MYG1: variants seen among roughly 807,000 people sequenced by gnomAD.
MYG1 encodes the protein MYG1 exonuclease.
Under a neutral mutation model 43.5 loss-of-function variants are expected in MYG1, and 36 were observed. That is an observed-to-expected ratio of 0.83 (90% CI 0.63 to 1.09). The LOEUF (loss-of-function observed/expected upper bound fraction) is 1.09. MYG1 is among the 50% of genes least tolerant of loss of function. The pLI, the probability that MYG1 is intolerant of heterozygous loss-of-function variation, is 0.00. For missense variants in MYG1, 529 were observed against 495.1 expected (o/e 1.07, Z -0.65); for synonymous variants, 220 against 202.8 (o/e 1.08, Z -0.72).
intron 3 of MYG1, 113 bp downstream of exon 3, chr12:53,303,306 G>C (rs1944245087): frequency 6.6e-6 from 8 of 1,205,746 alleles, no homozygotes; most frequent in Admixed American, 2.4e-5. Context: ...CTGGCCTATA[G>C]CAGGCCCAAC....
chr12:53,300,320 C>T lies in MYG1; in HGVS notation c.329+58C>T, dbSNP rs944615747. On this transcript the variant is annotated intron_variant, in intron 2 of 6. Transcript: ENST00000267103. ...TTGACCTCAGCTTTCCTCTGTGCTC[C>T]AATTCAGCCATCCACTGCCGTAGTC... 6 of 1,308,430 alleles carry T rather than the reference C, an allele frequency of 4.6e-6. No homozygotes were observed. The African/African-American group carries it at 8.9e-5, about 19-fold the overall frequency. 81.1% of individuals were successfully genotyped at this position (1,308,430 alleles called of 1,614,324 possible).
At chr12:53,301,630 A>G (rs929461401) in intron 2 of MYG1, among the ~76,000 whole-genome samples, 16 of 152,200 alleles carry the variant, frequency 1.1e-4, no homozygotes, top group African/African-American at 3.9e-4. Flanking sequence ...GCACCAAACC[A>G]GGGAGCTGGT....
chr12:53,306,518 A>AT (rs888679626), intron 5 of MYG1, 162 bp from the exon 6 acceptor site: 22 of 1,088,916 alleles, frequency 2.0e-5, no homozygotes, highest in Middle Eastern at 6.2e-4. Flanking sequence ...TAATTTTTGT[A>AT]TTTTTTGTAG....
At position 53,299,730 on chromosome 12, in the gene MYG1, A is replaced by T. The variant is rs572438707; in HGVS notation, c.-8A>T. The T allele has an allele frequency of 6.2e-6, 10 of 1,609,302 alleles. No homozygotes were observed. In the South Asian group the frequency reaches 9.9e-5, roughly 16 times the overall value. On this transcript the variant is annotated 5_prime_UTR_variant, in exon 1 of 7. Transcript: ENST00000267103. ...TCGGCGCTCCTGCCTCCCTGCAGGG[A>T]GCTGCTTATGGGACACCAATTCCTG...
intron 5 of MYG1, 40 bp downstream of exon 5, chr12:53,306,360 T>C: frequency 6.2e-7 from 1 of 1,609,748 alleles, no homozygotes; most frequent in Non-Finnish European, 8.5e-7. Flanking sequence ...TGAGGATTAC[T>C]GACTGCCAAT....
At chr12:53,302,594 C>T (rs1163463065) in intron 2 of MYG1, among the ~76,000 whole-genome samples, 1 of 152,200 alleles carries the variant, frequency 6.6e-6, no homozygotes, top group African/African-American at 2.4e-5. Flanking sequence ...GCCCTGCCTG[C>T]CCTTCCAGCT....
chr12:53,299,985 C>T, intron 1 of MYG1, 32 bp downstream of exon 1: 1 of 1,611,196 alleles, frequency 6.2e-7, no homozygotes, highest in Non-Finnish European at 8.5e-7. Flanking sequence ...CCTGGGACTG[C>T]GTGCATGCAT....
rs71068106 is a variant in MYG1, at chr12:53,304,861, G to GTTTTT, written c.490-1026_490-1022dup. ...TCCTCCCACCTCAGCCTAAACCCAT[G>GTTTTT]TTTTTTTTTTTTTTTTTTTTTTTTT... On this transcript the variant is annotated intron_variant, in intron 3 of 6. Transcript: ENST00000267103. 1.2e-3 allele frequency among the ~76,000 whole-genome samples: 94 copies of GTTTTT among 78,200 alleles called. 2 individuals carry two copies. The highest frequency in any genetic ancestry group is 2.5e-3 in the African/African-American group (53 of 21,234). 51.3% of individuals were successfully genotyped at this position (78,200 alleles called of 152,430 possible).
Position 53,306,333 on chromosome 12 carries a change from G to T in MYG1, c.765+13G>T. On this transcript the variant is annotated intron_variant, in intron 5 of 6. Transcript: ENST00000267103. ...CCAGCGATTCCAGGTATAGGCCTTGGAGGAGGCATTATGGCTTGAGGATTA... is the reference window on the plus strand; with the variant it reads ...CCAGCGATTCCAGGTATAGGCCTTGTAGGAGGCATTATGGCTTGAGGATTA... 1 of 1,613,906 alleles carries T rather than the reference G, an allele frequency of 6.2e-7. No homozygotes were observed. The highest frequency in any genetic ancestry group is 8.5e-7 in the Non-Finnish European group (1 of 1,179,952).
intron 1 of MYG1, 39 bp downstream of exon 1, chr12:53,299,992 G>A (rs749302522): frequency 2.5e-6 from 4 of 1,609,584 alleles, no homozygotes; most frequent in South Asian, 2.2e-5. Context: ...CTGCGTGCAT[G>A]CATGCCTCCG....
intron 1 of MYG1, 88 bp downstream of exon 1, chr12:53,300,041 CGCCCGGCA>C: frequency 1.3e-6 from 2 of 1,552,560 alleles, no homozygotes; most frequent in Non-Finnish European, 1.8e-6. Flanking sequence ...ACTCCGATAG[CGCCCGGCA>C]GCCCAAGCAC....
chr12:53,307,088 G>A lies in MYG1; in HGVS notation c.1070G>A (p.Gly357Asp). 1 of 1,614,208 alleles carries A rather than the reference G, an allele frequency of 6.2e-7. No homozygotes were observed. Among genetic ancestry groups the A allele is most frequent in the Non-Finnish European group, 8.5e-7 (1 of 1,180,022 alleles). The change falls in exon 7 of 7, where the codon GGT (glycine) becomes GAT (aspartate). Residue 357 changes from glycine (G) to aspartate (D), a missense_variant. Physicochemically the swap from Gly to Asp is moderately conservative, Grantham distance 94. Coordinates refer to ENST00000267103, the MANE Select transcript of MYG1 (RefSeq NM_021640.4). Reference sequence around the variant, plus strand: ...ACTGGCGGTCACCACACCCGAGAGGGTGCCTTGAGCATGGCCCGTGCCACC... The same window carrying A: ...ACTGGCGGTCACCACACCCGAGAGGATGCCTTGAGCATGGCCCGTGCCACC... ...GFTGGHHTREGALSMARATLA... is the reference protein window; with the variant it reads ...GFTGGHHTREDALSMARATLA...
In MYG1 at chr12:53,300,171, C is replaced by G. The variant is rs760389799; in HGVS notation, c.238C>G (p.Arg80Gly). 1.2e-6 allele frequency: 2 copies of G among 1,603,506 alleles called. No homozygotes were observed. Among genetic ancestry groups the G allele is most frequent in the Non-Finnish European group, 8.5e-7 (1 of 1,174,482 alleles). ...EYRDAEIVRT[R>G]DPEKLASCDI... is the part of the protein sequence containing the mutation. The stretch of plus-strand genomic sequence containing the variant: ...GCAGGATGCAGAGATTGTGCGGACC[C>G]GGGATCCCGAAAAACTCGCTTCCTG... Residue 80 changes from arginine (R) to glycine (G), a missense_variant, in exon 2 of 7, where the codon CGG (arginine) becomes GGG (glycine). Arg to Gly is a moderately radical substitution (Grantham distance 125). Transcript: ENST00000267103.
At chr12:53,306,637 C>T in intron 5 of MYG1, 43 bp from the exon 6 acceptor site, 3 of 1,575,834 alleles carry the variant, frequency 1.9e-6, no homozygotes, top group Non-Finnish European at 2.6e-6. Flanking sequence ...ATCACCATGC[C>T]CAGCCTACCT....
intron 3 of MYG1, among the ~76,000 whole-genome samples, chr12:53,304,088 C>A (rs956090717): frequency 2.6e-5 from 4 of 151,680 alleles, no homozygotes; most frequent in Non-Finnish European, 5.9e-5. Context: ...CGTGATCTGC[C>A]CACCTCAGCC....
intron 3 of MYG1, among the ~76,000 whole-genome samples, chr12:53,305,049 T>C (rs960467155): frequency 2.6e-5 from 4 of 151,836 alleles, no homozygotes; most frequent in Non-Finnish European, 5.9e-5. Flanking sequence ...TTTGTATTTT[T>C]AGTAGAGACG....
intron 5 of MYG1, 71 bp downstream of exon 5, chr12:53,306,391 T>C: frequency 6.3e-7 from 1 of 1,594,284 alleles, no homozygotes; most frequent in Non-Finnish European, 8.5e-7. Flanking sequence ...TCCTGCTTCT[T>C]CTACCCTAAA....
intron 3 of MYG1, among the ~76,000 whole-genome samples, chr12:53,304,451 A>G (rs1944254607): frequency 6.6e-6 from 1 of 151,346 alleles, no homozygotes; most frequent in Admixed American, 6.6e-5. Flanking sequence ...ACGCCTGGCT[A>G]ATTTTTTATT....
Position 53,305,996 on chromosome 12 carries a change from C to T in MYG1, c.578C>T (p.Thr193Ile). The change falls in exon 4 of 7, where the codon ACT (threonine) becomes ATT (isoleucine). Residue 193 changes from threonine to isoleucine, a missense_variant. By Grantham distance (89) the Thr-to-Ile change is moderately conservative. Coordinates refer to ENST00000267103, the MANE Select transcript of MYG1 (RefSeq NM_021640.4). ...AEGEPRYALT[T>I]TLSARVARLN... ...GGGGAGCCTCGATATGCACTGACCA[C>T]TACCCTGAGTGCACGAGTTGCTCGA... is the stretch of plus-strand genomic sequence containing the variant. 1 of 1,614,172 alleles carries T rather than the reference C, an allele frequency of 6.2e-7. No individual in the cohort carries two copies. Among genetic ancestry groups the T allele is most frequent in the Non-Finnish European group, 8.5e-7 (1 of 1,180,024 alleles).
Sources: allele counts gnomAD v4.1 joint callset (sites outside exome capture counted in the v4.1 genomes callset), GRCh38; gene constraint gnomAD v4.1.1; transcripts MANE v1.5; gene names NCBI Gene and HGNC (gene_info 2026-07-23, HGNC 2026-07-21).